DNHD1: variants seen among roughly 807,000 people sequenced by gnomAD.
DNHD1 encodes dynein heavy chain domain-containing protein 1.
A neutral mutation model predicts 458.1 loss-of-function variants in DNHD1; 383 were observed. That is an observed-to-expected ratio of 0.84 (90% CI 0.77 to 0.91). The LOEUF (loss-of-function observed/expected upper bound fraction) is 0.91, where lower values mean the gene tolerates loss of function less well. Among genes scored for constraint, DNHD1 ranks in the 40% least tolerant of loss-of-function variants. DNHD1 has a pLI of 0.00. For synonymous variants in DNHD1, 2,203 were observed against 2,376.9 expected (o/e 0.93, Z 2.13); for missense variants, 5,336 against 5,866.1 (o/e 0.91, Z 2.95).
chr11:6,568,981 C>A, intron 39 of DNHD1, 115 bp downstream of exon 39: 1 of 1,252,072 alleles, frequency 8.0e-7, no homozygotes, highest in Non-Finnish European at 1.1e-6. Flanking sequence ...AGAGCAAGGG[C>A]AAGGGGAAGT....
At position 6,498,700 on chromosome 11, in the gene DNHD1, G is replaced by T; in HGVS notation, c.485G>T (p.Cys162Phe). The T allele has an allele frequency of 6.2e-7, 1 of 1,614,162 alleles. No individual in the cohort carries two copies. ...CGGAGGCTCCATCACAGGCCCCCAT[G>T]CCCAGCTTGCCCTTTTGTGCAGGCC... is the stretch of plus-strand genomic sequence containing the variant. ...QKRRLHHRPPCPACPFVQAQW... is the reference protein window; with the variant it reads ...QKRRLHHRPPFPACPFVQAQW... The change falls in exon 3 of 43, where the codon TGC becomes TTC. Residue 162 changes from cysteine to phenylalanine, a missense_variant. Physicochemically the swap from Cys to Phe is radical, Grantham distance 205. Coordinates refer to ENST00000254579, the MANE Select transcript of DNHD1 (RefSeq NM_144666.3).
rs530262463 is a variant in DNHD1, at chr11:6,521,828, C to T, written c.1837+1539C>T. On this transcript the variant is annotated intron_variant, in intron 10 of 42. Coordinates refer to ENST00000254579, the MANE Select transcript of DNHD1 (RefSeq NM_144666.3). Reference sequence around the variant, plus strand: ...ACCTCCTGGGCTCAAGTGATCTTTTCGCCTCAGCCTCCCAAGTAGCTGGAA... The same window carrying T: ...ACCTCCTGGGCTCAAGTGATCTTTTTGCCTCAGCCTCCCAAGTAGCTGGAA... Among the ~76,000 whole-genome samples, 129 of 152,222 alleles carry T rather than the reference C, an allele frequency of 8.5e-4. 1 individual carries two copies. The highest frequency in any genetic ancestry group is 3.4e-3 in the Middle Eastern group (1 of 294).
intron 6 of DNHD1, among the ~76,000 whole-genome samples, chr11:6,510,219 G>A (rs772502835): frequency 6.6e-6 from 1 of 151,892 alleles, no homozygotes; most frequent in Admixed American, 6.6e-5. Flanking sequence ...GAGTAGCTGG[G>A]ATTACAGGCA....
At chr11:6,520,616 C>T in intron 10 of DNHD1, 5 of 1,152,068 alleles carry the variant, frequency 4.3e-6, no homozygotes, top group Non-Finnish European at 5.4e-6. Context: ...TCATTTACTA[C>T]TGAATTTTAT....
At position 6,557,646 on chromosome 11, in the gene DNHD1, G is replaced by A. The variant is rs564354220; in HGVS notation, c.8351G>A (p.Arg2784Lys). 3.2e-6 allele frequency: 5 copies of A among 1,551,632 alleles called. No homozygotes were observed. Among genetic ancestry groups the A allele is most frequent in the Non-Finnish European group, 4.4e-6 (5 of 1,147,004 alleles). ...TRASNYRLQV[R>K]RSFKTWWQKK... ...GCATCCAACTATAGGCTCCAGGTAA[G>A]GAGATCATTCAAGACTTGGTGGCAG... The change falls in exon 25 of 43, where the codon AGG (arginine) becomes AAG (lysine). Residue 2784 changes from arginine (R) to lysine (K), a missense_variant. By Grantham distance (26) the Arg-to-Lys change is conservative (BLOSUM62 2). Around this residue, in one of 4 missense-constraint regions of DNHD1, gnomAD observed 3,932 missense variants for 4,365.6 expected, o/e 0.90. Transcript: ENST00000254579.
At chr11:6,538,859 T>G in intron 16 of DNHD1, 49 bp downstream of exon 16, 2 of 1,432,986 alleles carry the variant, frequency 1.4e-6, no homozygotes, top group Non-Finnish European at 1.9e-6. Flanking sequence ...TATGTGAGGT[T>G]AGAGCGATGC....
In DNHD1 at chr11:6,570,778, C is replaced by T. The variant is rs756388963; in HGVS notation, c.13266C>T (p.Pro4422=). ...ALLSALQRSS[P]VWVPESRRGA... is the part of the protein sequence containing the mutation. ...TGAGTGCGCTGCAGCGGAGTTCACC[C>T]GTGTGGGTTCCTGAGTCTCGAAGAG... The change falls in exon 42 of 43, where the codon CCC becomes CCT. Residue 4422 remains proline, a synonymous_variant. Coordinates refer to ENST00000254579, the MANE Select transcript of DNHD1 (RefSeq NM_144666.3). The T allele has an allele frequency of 1.2e-6, 2 of 1,613,118 alleles. No individual in the cohort carries two copies. Among genetic ancestry groups the T allele is most frequent in the Admixed American group, 1.7e-5 (1 of 59,842 alleles).
intron 18 of DNHD1, among the ~76,000 whole-genome samples, chr11:6,540,832 C>A (rs1853084047): frequency 6.6e-6 from 1 of 152,104 alleles, no homozygotes; most frequent in Admixed American, 6.5e-5. Flanking sequence ...GCAACTAGAA[C>A]CCAGTTGGTG....
chr11:6,518,331 G>A (rs1418542682), intron 7 of DNHD1, among the ~76,000 whole-genome samples: 1 of 152,114 alleles, frequency 6.6e-6, no homozygotes, highest in Non-Finnish European at 1.5e-5. Flanking sequence ...CAAAGTGCTG[G>A]GATTACAAGC....
chr11:6,547,748 T>C, intron 21 of DNHD1, 82 bp downstream of exon 21: 6 of 1,484,304 alleles, frequency 4.0e-6, no homozygotes, highest in Non-Finnish European at 5.4e-6. Flanking sequence ...GGGGCGTGTG[T>C]TCTTTGGTGG....
At position 6,528,404 on chromosome 11, in the gene DNHD1, G is replaced by GGGGTGTGTGT. The variant is rs1554964598; in HGVS notation, c.1838-117_1838-116insGGTGTGTGTG. ...TTAACTCACTCATGAGCAGCGAATG[G>GGGGTGTGTGT]GTGTGTGTGTGTGTGTGTGTGTGTG... On this transcript the variant is annotated intron_variant, in intron 10 of 42. Coordinates refer to ENST00000254579, the MANE Select transcript of DNHD1 (RefSeq NM_144666.3). 3 of 811,446 alleles carry GGGGTGTGTGT rather than the reference G, an allele frequency of 3.7e-6. No homozygotes were observed. In the African/African-American group the frequency reaches 5.4e-5, roughly 14 times the overall value. The allele number at this position is 811,446 out of a possible 1,614,324, so 50.3% of individuals were successfully genotyped here.
chr11:6,498,961 G>C lies in DNHD1; in HGVS notation c.746G>C (p.Arg249Thr). ...GAGCCTGTTGGAAGAAAAGAGACCA[G>C]GTAAGTGAGGGACTCAGTCTAGGGC... The part of the protein sequence containing the change: ...EVEPVGRKET[R>T]SQLDYEVPRE... Residue 249 changes from arginine to threonine, a missense_variant and splice_region_variant, in exon 3 of 43, where the codon AGG becomes ACG. Arg to Thr is a moderately conservative substitution (Grantham distance 71). This residue lies in a region of DNHD1 where 3,932 missense variants were observed against 4,365.6 expected (regional missense o/e 0.90). Transcript: ENST00000254579. The C allele has an allele frequency of 1.3e-6, 2 of 1,594,168 alleles. No homozygotes were observed. Among genetic ancestry groups the C allele is most frequent in the Non-Finnish European group, 1.7e-6 (2 of 1,169,490 alleles).
intron 13 of DNHD1, 71 bp downstream of exon 13, chr11:6,533,255 T>C (rs1372578522): frequency 6.9e-7 from 1 of 1,442,786 alleles, no homozygotes; most frequent in African/African-American, 1.4e-5. Context: ...GCACACTCTC[T>C]TCAGGTCTCT....
In DNHD1 at chr11:6,557,299, T is replaced by G; in HGVS notation, c.8004T>G (p.Cys2668Trp). The change falls in exon 25 of 43, where the codon TGT (cysteine) becomes TGG (tryptophan). Residue 2668 changes from cysteine (C) to tryptophan (W), a missense_variant. Cys to Trp is a radical substitution (Grantham distance 215). This residue lies in a region of DNHD1 where 3,932 missense variants were observed against 4,365.6 expected (regional missense o/e 0.90). Transcript: ENST00000254579. ...ACAGCCCCAGGGAACGCTCCTACTG[T>G]GCCAAGCTGCTCCTAGTAGTAGCTC... is the stretch of plus-strand genomic sequence containing the variant. ...RLDSPRERSY[C>W]AKLLLVVAQS... The G allele has an allele frequency of 6.4e-7, 1 of 1,551,598 alleles. No individual in the cohort carries two copies. Among genetic ancestry groups the G allele is most frequent in the Non-Finnish European group, 8.7e-7 (1 of 1,146,996 alleles).
chr11:6,557,807 C>G lies in DNHD1; in HGVS notation c.8512C>G (p.Leu2838Val). The change falls in exon 25 of 43, where the codon CTG becomes GTG. Residue 2838 changes from leucine to valine, a missense_variant. This residue lies in a region of DNHD1 where 3,932 missense variants were observed against 4,365.6 expected (regional missense o/e 0.90). Coordinates refer to ENST00000254579, the MANE Select transcript of DNHD1 (RefSeq NM_144666.3). ...GPNSETPNLY[L>V]ERQWEKLEEQ... is the part of the protein sequence containing the mutation. ...TAACTCTGAGACCCCCAACTTGTAC[C>G]TGGAACGACAGTGGGAGAAGCTAGA... 1.9e-6 allele frequency: 3 copies of G among 1,551,454 alleles called. No individual in the cohort carries two copies. Among genetic ancestry groups the G allele is most frequent in the Non-Finnish European group, 2.6e-6 (3 of 1,146,970 alleles).
At position 6,538,779 on chromosome 11, in the gene DNHD1, A is replaced by G. The variant is rs1853024227; in HGVS notation, c.3294A>G (p.Pro1098=). 3 of 1,530,170 alleles carry G rather than the reference A, an allele frequency of 2.0e-6. No individual in the cohort carries two copies. Among genetic ancestry groups the G allele is most frequent in the Non-Finnish European group, 2.6e-6 (3 of 1,134,308 alleles). The allele number at this position is 1,530,170 out of a possible 1,614,324, so 94.8% of individuals were successfully genotyped here. A position where few individuals can be genotyped will look rare whatever the true frequency, so the allele number is the denominator to read the frequency against. ...TCACTAAGCTGGGCAGCCTCCACCC[A>G]CAGAGCCTCAACTGCCAGTGTCTCC... ...PLLTKLGSLH[P]QSLNCQCLLR... is the part of the protein sequence containing the mutation. Residue 1098 remains proline (P), a synonymous_variant, in exon 16 of 43, where the codon CCA becomes CCG. Coordinates refer to ENST00000254579, the MANE Select transcript of DNHD1 (RefSeq NM_144666.3).
chr11:6,544,472 T>C (rs1853163875), intron 19 of DNHD1, 102 bp from the exon 20 acceptor site: 7 of 1,084,344 alleles, frequency 6.5e-6, no homozygotes, highest in South Asian at 4.6e-5. Context: ...GTATTTTGCT[T>C]GGGCTGGTGG....
rs1292048291 is a variant in DNHD1, at chr11:6,528,832, C to T, written c.2103+45C>T. The T allele has an allele frequency of 3.9e-6, 6 of 1,550,092 alleles. No individual in the cohort carries two copies. The African/African-American group carries it at 5.5e-5, about 14-fold the overall frequency. On this transcript the variant is annotated intron_variant, in intron 11 of 42. Coordinates refer to ENST00000254579, the MANE Select transcript of DNHD1 (RefSeq NM_144666.3). The stretch of plus-strand genomic sequence containing the variant: ...GGATAGGGCGCTGCCCACCAATTCC[C>T]ATTATAGCCGCATGCCTCTGCCCTA...
intron 32 of DNHD1, 45 bp from the exon 33 acceptor site, chr11:6,565,650 T>A: frequency 6.7e-7 from 1 of 1,491,520 alleles, no homozygotes; most frequent in Non-Finnish European, 8.9e-7. Flanking sequence ...CTAAGGAGTC[T>A]GATTCCTCCC....
Sources: allele counts gnomAD v4.1 joint callset (sites outside exome capture counted in the v4.1 genomes callset), GRCh38; gene constraint gnomAD v4.1.1; regional missense constraint gnomAD v4.1.1; transcripts MANE v1.5; gene names NCBI Gene and HGNC (gene_info 2026-07-23, HGNC 2026-07-21).